Variants in ELAVL3 observed in about 807,000 individuals in gnomAD.
The protein encoded by ELAVL3 is ELAV-like protein 3.
A neutral mutation model predicts 34.2 loss-of-function variants in ELAVL3; 8 were observed. That is an observed-to-expected ratio of 0.23 (90% CI 0.14 to 0.42). The LOEUF (loss-of-function observed/expected upper bound fraction) is 0.42. Among genes scored for constraint, ELAVL3 ranks in the 10% least tolerant of loss-of-function variants. The probability of loss-of-function intolerance (pLI) is 1.00; values close to 1 mark genes in which losing one functional copy is unlikely to be tolerated. For missense variants in ELAVL3, 273 were observed against 518.8 expected (o/e 0.53, Z 4.60); for synonymous variants, 209 against 222.1 (o/e 0.94, Z 0.53).
rs1970883038 is a variant in ELAVL3, at chr19:11,461,469, TCCC to T, written c.334-2861_334-2859del. Among the ~76,000 whole-genome samples the T allele has an allele frequency of 8.3e-5, 5 of 60,464 alleles. No homozygotes were observed. The South Asian group carries it at 3.5e-3, about 42-fold the overall frequency. The allele number at this position is 60,464 out of a possible 152,430, so 39.7% of individuals were successfully genotyped here. A position where few individuals can be genotyped will look rare whatever the true frequency, so the allele number is the denominator to read the frequency against. On this transcript the variant is annotated intron_variant, in intron 3 of 6. Transcript: ENST00000359227. ...TATCTATTTTTCCTCCCTCCCTCCC[TCCC>T]TCCCTCCCTTCCTTCCTTCCTTCAT... is the stretch of plus-strand genomic sequence containing the variant.
Position 11,453,400 on chromosome 19 carries a change from G to C in ELAVL3, c.*1126C>G, listed in dbSNP as rs897518084. ...GAGCGTCTGGGGCAGGGTCTGGGGT[G>C]GGACCTCCTGCCTGGGCCTGTGGGA... On this transcript the variant is annotated 3_prime_UTR_variant, in exon 7 of 7. Coordinates refer to ENST00000359227, the MANE Select transcript of ELAVL3 (RefSeq NM_001420.4). 2 of 152,688 alleles carry C rather than the reference G, an allele frequency of 1.3e-5. No homozygotes were observed. Among genetic ancestry groups the C allele is most frequent in the African/African-American group, 4.8e-5 (2 of 41,446 alleles). 9.5% of individuals were successfully genotyped at this position (152,688 alleles called of 1,614,324 possible).
Position 11,458,495 on chromosome 19 carries a change from G to A in ELAVL3, c.450C>T (p.Arg150=). ...CCACCAGGATGCGGGACGTGATGAT[G>A]CGGCCGTACTGGGAGAAGAGCTGCT... The part of the protein sequence containing the change: ...EMEQLFSQYG[R]IITSRILVDQ... The change falls in exon 4 of 7, where the codon CGC becomes CGT. Residue 150 remains arginine (R), a synonymous_variant. Coordinates refer to ENST00000359227, the MANE Select transcript of ELAVL3 (RefSeq NM_001420.4). This position sits in a 1 kb window ranked among gnomAD's most constrained non-coding sequence, Gnocchi z 7.3. The A allele has an allele frequency of 6.2e-7, 1 of 1,614,172 alleles. No homozygotes were observed. Among genetic ancestry groups the A allele is most frequent in the East Asian group, 2.2e-5 (1 of 44,870 alleles).
Position 11,466,745 on chromosome 19 carries a change from TTTG to T in ELAVL3, c.89_91del (p.Thr30del). The T allele has an allele frequency of 6.2e-7, 1 of 1,614,176 alleles. No individual in the cohort carries two copies. On this transcript the variant is annotated inframe_deletion, in exon 2 of 7. Coordinates refer to ENST00000359227, the MANE Select transcript of ELAVL3 (RefSeq NM_001420.4). The surrounding 1 kb of genome is among the most constrained non-coding windows in gnomAD (Gnocchi z 5.0). The stretch of plus-strand genomic sequence containing the variant: ...GGTCTTGCTGTCGTCAGTGGCTCCA[TTTG>T]TACCAAGGAGTGGCCCGTTGGGCAG...
At chr19:11,460,800 T>C (rs1465776789) in intron 3 of ELAVL3, among the ~76,000 whole-genome samples, 1 of 152,056 alleles carries the variant, frequency 6.6e-6, no homozygotes, top group African/African-American at 2.4e-5. Context: ...AGCACTGTTA[T>C]CTGAATCACA....
chr19:11,474,771 C>T (rs903654928), intron 1 of ELAVL3, among the ~76,000 whole-genome samples: 1 of 152,188 alleles, frequency 6.6e-6, no homozygotes, highest in African/African-American at 2.4e-5. Context: ...CTCATCTCAG[C>T]CTCTCAAGTA....
In ELAVL3 at chr19:11,455,593, C is replaced by T. The variant is rs144944625; in HGVS notation, c.753-716G>A. Among the ~76,000 whole-genome samples the T allele has an allele frequency of 2.8e-3, 426 of 151,730 alleles. 2 individuals are homozygous for T. The highest frequency in any genetic ancestry group is 8.2e-3 in the African/African-American group (339 of 41,382). On this transcript the variant is annotated intron_variant, in intron 6 of 6. Transcript: ENST00000359227. ...TGAGCCACCGCACCCAGCCATGCCCCGCTAATTTTTAAAAATTTTTGTAGA... is the reference window on the plus strand; with the variant it reads ...TGAGCCACCGCACCCAGCCATGCCCTGCTAATTTTTAAAAATTTTTGTAGA...
chr19:11,466,747 T>G lies in ELAVL3; in HGVS notation c.90A>C (p.Thr30=). 21 of 1,614,158 alleles carry G rather than the reference T, an allele frequency of 1.3e-5. No individual in the cohort carries two copies. Among genetic ancestry groups the G allele is most frequent in the Non-Finnish European group, 1.8e-5 (21 of 1,180,010 alleles). ...TCTTGCTGTCGTCAGTGGCTCCATT[T>G]GTACCAAGGAGTGGCCCGTTGGGCA... is the stretch of plus-strand genomic sequence containing the variant. The part of the protein sequence containing the change: ...PALPNGPLLG[T]NGATDDSKTN... The change falls in exon 2 of 7, where the codon ACA becomes ACC. Residue 30 remains threonine, a synonymous_variant. Coordinates refer to ENST00000359227, the MANE Select transcript of ELAVL3 (RefSeq NM_001420.4). This position sits in a 1 kb window ranked among gnomAD's most constrained non-coding sequence, Gnocchi z 5.0.
chr19:11,463,173 T>A (rs1441136889), intron 3 of ELAVL3, among the ~76,000 whole-genome samples: 3 of 152,156 alleles, frequency 2.0e-5, no homozygotes, highest in Admixed American at 2.0e-4. Context: ...ACAGGCCTTT[T>A]CCATCCCTCC....
In ELAVL3 at chr19:11,475,078, G is replaced by T. The variant is rs1019505398; in HGVS notation, c.9+5522C>A. 2.0e-5 allele frequency among the ~76,000 whole-genome samples: 3 copies of T among 152,118 alleles called. 1 individual carries two copies. The highest frequency in any genetic ancestry group is 2.0e-4 in the Admixed American group (3 of 15,264). ...CCTGATCTCGTGATCCACTGCCTCG[G>T]CCTCCCAAAGTGCTGGGATTACAGG... On this transcript the variant is annotated intron_variant, in intron 1 of 6. Coordinates refer to ENST00000359227, the MANE Select transcript of ELAVL3 (RefSeq NM_001420.4).
chr19:11,457,783 G>A (rs1970800788), intron 5 of ELAVL3, among the ~76,000 whole-genome samples: 1 of 152,252 alleles, frequency 6.6e-6, no homozygotes, highest in Non-Finnish European at 1.5e-5. Context: ...GAGGCACAGA[G>A]CTACAGCCAC....
rs1249291219 is a variant in ELAVL3, at chr19:11,453,932, G to A, written c.*594C>T. 7.0e-6 allele frequency: 1 copy of A among 143,882 alleles called. No individual in the cohort carries two copies. Among genetic ancestry groups the A allele is most frequent in the African/African-American group, 2.6e-5 (1 of 38,324 alleles). 8.9% of individuals were successfully genotyped at this position (143,882 alleles called of 1,614,324 possible). A position where few individuals can be genotyped will look rare whatever the true frequency, so the allele number is the denominator to read the frequency against. ...GTCTTTTTCCCTTTTTACAAAAATA[G>A]AGTTTTTCTTCCCCTCCCACCCCCC... is the stretch of plus-strand genomic sequence containing the variant. On this transcript the variant is annotated 3_prime_UTR_variant, in exon 7 of 7. Transcript: ENST00000359227.
In ELAVL3 at chr19:11,466,872, C is replaced by T. The variant is rs1310721719; in HGVS notation, c.10-45G>A. 6.6e-7 allele frequency: 1 copy of T among 1,511,434 alleles called. No homozygotes were observed. The highest frequency in any genetic ancestry group is 1.4e-5 in the African/African-American group (1 of 72,212). The allele number at this position is 1,511,434 out of a possible 1,614,324, so 93.6% of individuals were successfully genotyped here. A position where few individuals can be genotyped will look rare whatever the true frequency, so the allele number is the denominator to read the frequency against. The stretch of plus-strand genomic sequence containing the variant: ...TCCGCTCACCGCCCAGTCCCCACAC[C>T]AGGGGCCTGCGGCAATGAGTGGCTT... On this transcript the variant is annotated intron_variant, in intron 1 of 6. Coordinates refer to ENST00000359227, the MANE Select transcript of ELAVL3 (RefSeq NM_001420.4). This position sits in a 1 kb window ranked among gnomAD's most constrained non-coding sequence, Gnocchi z 5.0.
chr19:11,458,285 A>G lies in ELAVL3; in HGVS notation c.489T>C (p.Gly163=). The part of the protein sequence containing the change: ...TSRILVDQVT[G]VSRGVGFIRF... ...GGATGAATCCCACACCCCGAGAGAC[A>G]CCTGCCAGGGGGCAGGGATGTCCAT... Residue 163 remains glycine, a splice_region_variant and synonymous_variant, in exon 5 of 7, where the codon GGT becomes GGC. Coordinates refer to ENST00000359227, the MANE Select transcript of ELAVL3 (RefSeq NM_001420.4). This position sits in a 1 kb window ranked among gnomAD's most constrained non-coding sequence, Gnocchi z 7.3. The G allele has an allele frequency of 6.2e-7, 1 of 1,613,466 alleles. No individual in the cohort carries two copies. The highest frequency in any genetic ancestry group is 1.1e-5 in the South Asian group (1 of 91,080).
chr19:11,465,192 C>T (rs993976398), intron 3 of ELAVL3, among the ~76,000 whole-genome samples: 14 of 140,210 alleles, frequency 1.0e-4, no homozygotes, highest in Non-Finnish European at 2.0e-4. Context: ...ACGTAATACA[C>T]CTACACGCCA....
chr19:11,466,867 C>T lies in ELAVL3; in HGVS notation c.10-40G>A. 1 of 1,535,672 alleles carries T rather than the reference C, an allele frequency of 6.5e-7. No individual in the cohort carries two copies. Among genetic ancestry groups the T allele is most frequent in the Non-Finnish European group, 8.8e-7 (1 of 1,130,960 alleles). On this transcript the variant is annotated intron_variant, in intron 1 of 6. Transcript: ENST00000359227. The surrounding 1 kb of genome is among the most constrained non-coding windows in gnomAD (Gnocchi z 5.0). ...TCGCATCCGCTCACCGCCCAGTCCC[C>T]ACACCAGGGGCCTGCGGCAATGAGT...
In ELAVL3 at chr19:11,466,155, G is replaced by C. The variant is rs781034010; in HGVS notation, c.333+17C>G. 33 of 1,612,098 alleles carry C rather than the reference G, an allele frequency of 2.0e-5. No individual in the cohort carries two copies. The Middle Eastern group carries it at 5.1e-4, about 25-fold the overall frequency. On this transcript the variant is annotated intron_variant, in intron 3 of 6. Transcript: ENST00000359227. This position sits in a 1 kb window ranked among gnomAD's most constrained non-coding sequence, Gnocchi z 5.0. ...TGGGGTGGGCGGTCATGGGGGATTG[G>C]AGAAGGAGGCACCAACCTTGATGGT...
At chr19:11,464,167 AT>A (rs1236599277) in intron 3 of ELAVL3, among the ~76,000 whole-genome samples, 5,173 of 103,530 alleles carry the variant, frequency 0.05, 181 homozygotes, top group East Asian at 0.16. Context: ...ATATATATAT[AT>A]TTTTTTTTTT....
intron 1 of ELAVL3, among the ~76,000 whole-genome samples, chr19:11,478,877 T>G (rs1463627820): frequency 6.6e-6 from 1 of 152,164 alleles, no homozygotes; most frequent in Non-Finnish European, 1.5e-5. Flanking sequence ...CAATAGGGCA[T>G]TGAGTGGCTA....
intron 6 of ELAVL3, among the ~76,000 whole-genome samples, chr19:11,456,218 C>A (rs1393695290): frequency 1.3e-5 from 2 of 151,228 alleles, no homozygotes; most frequent in Non-Finnish European, 2.9e-5. Context: ...CAGTTCTCTG[C>A]CTCAGCCTCC....
Sources: allele counts gnomAD v4.1 joint callset (sites outside exome capture counted in the v4.1 genomes callset), GRCh38; gene constraint gnomAD v4.1.1; non-coding constraint Gnocchi (gnomAD v3.1); transcripts MANE v1.5; gene names NCBI Gene and HGNC (gene_info 2026-07-23, HGNC 2026-07-21).